The following DLG2 variants were observed in gnomAD, a reference collection of about 807,000 sequenced individuals.
DLG2 encodes the protein disks large homolog 2.
Under a neutral mutation model 132.5 loss-of-function variants are expected in DLG2, and 45 were observed. That is an observed-to-expected ratio of 0.34 (90% CI 0.27 to 0.44). The LOEUF is 0.44. DLG2 is among the 20% of genes least tolerant of loss of function. DLG2 has a pLI of 1.00. For missense variants in DLG2, 1,045 were observed against 1,196.9 expected (o/e 0.87, Z 1.87); for synonymous variants, 424 against 419.6 (o/e 1.01, Z -0.13).
At chr11:85,137,142 G>A (rs2076186464) in intron 5 of DLG2, among the ~76,000 whole-genome samples, 1 of 152,070 alleles carries the variant, frequency 6.6e-6, no homozygotes, top group South Asian at 2.1e-4. Flanking sequence ...CTATAATGGA[G>A]AAGGGCAATT....
chr11:84,298,746 A>G (rs1267507703), intron 7 of DLG2, among the ~76,000 whole-genome samples: 2 of 152,200 alleles, frequency 1.3e-5, no homozygotes, highest in Non-Finnish European at 2.9e-5. Flanking sequence ...GAAAGATTTT[A>G]TCCAACACAG....
chr11:84,841,844 T>C lies in DLG2; in HGVS notation c.357+269817A>G, dbSNP rs80334002. Among the ~76,000 whole-genome samples, 1,058 of 152,120 alleles carry C rather than the reference T, an allele frequency of 7.0e-3. 13 individuals carry two copies. Among genetic ancestry groups the C allele is most frequent in the African/African-American group, 0.024 (994 of 41,554 alleles). ...AAGAATATGCTCATTTGATGCATCA[T>C]AATTTTTTTAACCATTCCTCTACAG... On this transcript the variant is annotated intron_variant, in intron 6 of 27. Transcript: ENST00000376104.
intron 7 of DLG2, among the ~76,000 whole-genome samples, chr11:84,402,895 A>G (rs1297870019): frequency 6.6e-6 from 1 of 150,912 alleles, no homozygotes; most frequent in Non-Finnish European, 1.5e-5. Context: ...AAAAAAAAAA[A>G]AAAAAATTAA....
intron 6 of DLG2, among the ~76,000 whole-genome samples, chr11:84,865,947 A>G (rs1429156360): frequency 6.6e-6 from 1 of 152,240 alleles, no homozygotes; most frequent in Non-Finnish European, 1.5e-5. Context: ...GAGCAACCTT[A>G]GAATCTGCTA....
intron 6 of DLG2, among the ~76,000 whole-genome samples, chr11:84,822,870 T>C (rs2077865662): frequency 6.6e-6 from 1 of 151,956 alleles, no homozygotes; most frequent in South Asian, 2.1e-4. Context: ...AGCCACAGTA[T>C]TTATAAACTG....
intron 10 of DLG2, among the ~76,000 whole-genome samples, chr11:84,081,150 T>C (rs1264123779): frequency 6.6e-6 from 1 of 152,146 alleles, no homozygotes; most frequent in African/African-American, 2.4e-5. Flanking sequence ...AGCAGTATAT[T>C]GTGGATTATA....
intron 16 of DLG2, among the ~76,000 whole-genome samples, chr11:83,857,626 C>A (rs2060749503): frequency 6.6e-6 from 1 of 152,130 alleles, no homozygotes. Context: ...ATACGATTGT[C>A]CAAACCCTTA....
intron 11 of DLG2, among the ~76,000 whole-genome samples, chr11:84,042,971 T>C (rs533885213): frequency 6.6e-6 from 1 of 151,940 alleles, no homozygotes; most frequent in East Asian, 1.9e-4. Flanking sequence ...TTTTGGGGTA[T>C]TGTAAATGAT....
At chr11:84,100,321 C>A (rs1218740489) in intron 9 of DLG2, among the ~76,000 whole-genome samples, 3 of 136,598 alleles carry the variant, frequency 2.2e-5, no homozygotes, top group African/African-American at 5.5e-5. Flanking sequence ...ATATATATCT[C>A]TCTCTCTAAA....
intron 7 of DLG2, among the ~76,000 whole-genome samples, chr11:84,533,903 GCCAAAAA>G: frequency 2.5e-5 from 1 of 39,348 alleles, no homozygotes. Flanking sequence ...CGCCAGTTCA[GCCAAAAA>G]AAAAAAAAAA....
chr11:84,259,610 T>A (rs1464775907), intron 7 of DLG2, among the ~76,000 whole-genome samples: 3 of 152,188 alleles, frequency 2.0e-5, no homozygotes, highest in Admixed American at 1.3e-4. Context: ...AAGCTAAGAT[T>A]GTGGTCCCTT....
rs536507242 is a variant in DLG2, at chr11:85,325,282, G to A, written c.41-39917C>T. On this transcript the variant is annotated intron_variant, in intron 3 of 27. Coordinates refer to ENST00000376104, the MANE Select transcript of DLG2 (RefSeq NM_001142699.3). ...GGCGGAGCCCACCACAGCTCAAGGAGGCCTGTCTGCCTCTGTAGGCTCCAC... is the reference window on the plus strand; with the variant it reads ...GGCGGAGCCCACCACAGCTCAAGGAAGCCTGTCTGCCTCTGTAGGCTCCAC... 9.5e-3 allele frequency among the ~76,000 whole-genome samples: 1,454 copies of A among 152,336 alleles called. 20 individuals are homozygous for A. The highest frequency in any genetic ancestry group is 0.031 in the African/African-American group (1,308 of 41,576).
chr11:83,812,905 T>C (rs1565170321), intron 17 of DLG2, among the ~76,000 whole-genome samples: 1 of 152,162 alleles, frequency 6.6e-6, no homozygotes, highest in Non-Finnish European at 1.5e-5. Context: ...CCATTCCTCT[T>C]AGAGTTGAAG....
intron 11 of DLG2, among the ~76,000 whole-genome samples, chr11:84,002,738 G>T (rs1179466965): frequency 6.6e-6 from 1 of 152,110 alleles, no homozygotes; most frequent in East Asian, 1.9e-4. Flanking sequence ...GGGAGGGGTT[G>T]CCATGAAGAT....
At chr11:84,756,577 G>A (rs1220680237) in intron 6 of DLG2, among the ~76,000 whole-genome samples, 2 of 152,118 alleles carry the variant, frequency 1.3e-5, no homozygotes, top group Non-Finnish European at 2.9e-5. Flanking sequence ...ACTTACCTTA[G>A]AAGGTTGTTA....
At chr11:83,947,141 A>AAT (rs2084206206) in intron 14 of DLG2, among the ~76,000 whole-genome samples, 1 of 152,198 alleles carries the variant, frequency 6.6e-6, no homozygotes, top group Non-Finnish European at 1.5e-5. Context: ...GGTCTACAAA[A>AAT]ATAACCACTG....
rs558399097 is a variant in DLG2, at chr11:84,859,720, C to T, written c.357+251941G>A. On this transcript the variant is annotated intron_variant, in intron 6 of 27. Transcript: ENST00000376104. ...CAAAGTTCTTCTATAAACTGTGACA[C>T]TTGTAGCAAAATACCTCTGATCTCT... Among the ~76,000 whole-genome samples, 14 of 151,900 alleles carry T rather than the reference C, an allele frequency of 9.2e-5. No individual in the cohort carries two copies. The South Asian group carries it at 2.7e-3, about 29-fold the overall frequency.
At chr11:85,507,215 A>G (rs1416330974) in intron 3 of DLG2, among the ~76,000 whole-genome samples, 1 of 152,176 alleles carries the variant, frequency 6.6e-6, no homozygotes, top group East Asian at 1.9e-4. Context: ...CTTACATTTA[A>G]GGTTAATAAC....
At chr11:84,131,889 T>C (rs2154218384) in intron 9 of DLG2, among the ~76,000 whole-genome samples, 1 of 152,132 alleles carries the variant, frequency 6.6e-6, no homozygotes, top group East Asian at 1.9e-4. Context: ...CATTATCATG[T>C]ATGACATTAT....
Sources: gnomAD v4.1 joint callset for allele counts (sites outside exome capture counted in the v4.1 genomes callset) on GRCh38, gnomAD v4.1.1 for gene constraint, MANE v1.5 for transcripts, NCBI Gene and HGNC (gene_info 2026-07-23, HGNC 2026-07-21) for gene names.